The following CLASP1 variants were observed in gnomAD, a reference collection of about 807,000 sequenced individuals.
CLASP1 encodes cytoplasmic linker associated protein 1.
Under a neutral mutation model 192.3 loss-of-function variants are expected in CLASP1, and 38 were observed. That is an observed-to-expected ratio of 0.20 (90% CI 0.15 to 0.26). The LOEUF is 0.26. CLASP1 is among the 10% of genes least tolerant of loss of function. The pLI is 1.00. For missense variants in CLASP1, 1,433 were observed against 1,932.5 expected, an observed-to-expected ratio of 0.74 and a Z score of 4.85; for synonymous variants, 691 against 712.8, an observed-to-expected ratio of 0.97 and a Z score of 0.49.
chr2:121,425,286 G>A, exon 22 of CLASP1: 1 of 1,611,622 alleles, frequency 6.2e-7, no homozygotes, highest in Non-Finnish European at 8.5e-7. Flanking sequence ...AATTTTCCTG[G>A]GGAACTTGAC....
intron 19 of CLASP1, among the ~76,000 whole-genome samples, chr2:121,432,821 G>A (rs1344741908): frequency 6.6e-6 from 1 of 151,810 alleles, no homozygotes; most frequent in South Asian, 2.1e-4. Flanking sequence ...ATACAGATTT[G>A]GGGTTATCTA....
intron 1 of CLASP1, among the ~76,000 whole-genome samples, chr2:121,629,008 A>C (rs2068935868): frequency 1.3e-5 from 2 of 151,852 alleles, no homozygotes; most frequent in Non-Finnish European, 2.9e-5. Context: ...TAATGAAATA[A>C]TCCTAAATGT....
rs752379924 is a variant in CLASP1 at position 121,462,609 on chromosome 2, TA to T, written c.866-5del. The T allele has an allele frequency of 2.5e-5, 39 of 1,584,988 alleles. No individual in the cohort carries two copies. The highest frequency in any genetic ancestry group is 3.3e-5 in the Non-Finnish European group (38 of 1,158,228). On this transcript the variant is annotated splice_polypyrimidine_tract_variant and splice_region_variant and intron_variant, in intron 9 of 39. Transcript: ENST00000263710. Reference sequence around the variant, plus strand: ...GCACCAGCTCCTTCTTTTGCAGCTGTAAAAAAGAATTTTAAAAATGTAAACA... The same window carrying T: ...GCACCAGCTCCTTCTTTTGCAGCTGTAAAAAGAATTTTAAAAATGTAAACA...
At chr2:121,604,695 ATAAATTTTATATCC>A (rs2064204710) in intron 2 of CLASP1, among the ~76,000 whole-genome samples, 1 of 152,232 alleles carries the variant, frequency 6.6e-6, no homozygotes, top group South Asian at 2.1e-4. Flanking sequence ...GACAGGTAGG[ATAAATTTTATATCC>A]AGTGATAAGT....
intron 22 of CLASP1, among the ~76,000 whole-genome samples, chr2:121,422,209 A>G (rs1250298997): frequency 1.3e-5 from 2 of 152,230 alleles, no homozygotes; most frequent in African/African-American, 4.8e-5. Context: ...GGACTCATAA[A>G]AGCAGAATAT....
chr2:121,457,322 T>G (rs1196824407), intron 14 of CLASP1, among the ~76,000 whole-genome samples: 1 of 152,158 alleles, frequency 6.6e-6, no homozygotes, highest in Non-Finnish European at 1.5e-5. Flanking sequence ...TGCATGCAGT[T>G]ACTGCCTTTA....
intron 1 of CLASP1, among the ~76,000 whole-genome samples, chr2:121,611,419 G>C (rs1176196284): frequency 7.0e-6 from 1 of 143,306 alleles, no homozygotes; most frequent in Admixed American, 6.9e-5. Flanking sequence ...GGAGTTACAG[G>C]AGAAAGAGGA....
chr2:121,504,425 T>A (rs2093874078), intron 7 of CLASP1, among the ~76,000 whole-genome samples: 1 of 152,186 alleles, frequency 6.6e-6, no homozygotes, highest in South Asian at 2.1e-4. Flanking sequence ...TGGAAGCTCC[T>A]TAGGGGTAGA....
intron 1 of CLASP1, among the ~76,000 whole-genome samples, chr2:121,638,386 T>C (rs1022127206): frequency 6.6e-5 from 10 of 151,870 alleles, no homozygotes; most frequent in African/African-American, 2.4e-4. Context: ...GAATGTAAAA[T>C]GGTACAGCCA....
intron 1 of CLASP1, among the ~76,000 whole-genome samples, chr2:121,612,330 G>A (rs944435611): frequency 6.6e-6 from 1 of 151,388 alleles, no homozygotes; most frequent in Non-Finnish European, 1.5e-5. Context: ...AGGAGTTACA[G>A]GAGGAAGAGC....
In CLASP1 at chr2:121,530,229, A is replaced by T; in HGVS notation, c.274+18T>A. 6.5e-7 allele frequency: 1 copy of T among 1,545,084 alleles called. No individual in the cohort carries two copies. The highest frequency in any genetic ancestry group is 1.4e-5 in the African/African-American group (1 of 72,956). On this transcript the variant is annotated intron_variant, in intron 3 of 39. Transcript: ENST00000263710. ...GGTCTGAAGGGGCCGGGTCCGCTCC[A>T]CAAGTGCCGCAGCTCACCTGTGCCG...
Position 121,554,138 on chromosome 2 carries a change from C to A in CLASP1, c.196-23813G>T, listed in dbSNP as rs181507108. The stretch of plus-strand genomic sequence containing the variant: ...GGCTGAGGTGGGAGGACCAGTTGAG[C>A]CTGGGAGGTCAAGGCTACAGTGAGC... On this transcript the variant is annotated intron_variant, in intron 2 of 39. Coordinates refer to ENST00000263710, the Ensembl canonical transcript of CLASP1. Among the ~76,000 whole-genome samples, 619 of 152,062 alleles carry A rather than the reference C, an allele frequency of 4.1e-3. 3 individuals carry two copies. Among genetic ancestry groups the A allele is most frequent in the Non-Finnish European group, 6.8e-3 (462 of 67,996 alleles).
At chr2:121,403,694 A>G (rs2076468899) in intron 26 of CLASP1, 3 of 455,746 alleles carry the variant, frequency 6.6e-6, no homozygotes, top group Non-Finnish European at 4.4e-6. Flanking sequence ...ACTTCTGTAA[A>G]GATACCCTGT....
intron 8 of CLASP1, among the ~76,000 whole-genome samples, chr2:121,473,082 T>TA (rs993989792): frequency 5.3e-5 from 8 of 151,514 alleles, no homozygotes; most frequent in Admixed American, 6.6e-5. Flanking sequence ...AGAGAAGCCT[T>TA]AAAAAAAAAT....
At chr2:121,566,121 G>A (rs1241570367) in intron 2 of CLASP1, among the ~76,000 whole-genome samples, 2 of 152,092 alleles carry the variant, frequency 1.3e-5, no homozygotes, top group Non-Finnish European at 2.9e-5. Flanking sequence ...ATTCTAATGA[G>A]ACCAGCCTAT....
chr2:121,425,220 T>C (rs1414393696), exon 22 of CLASP1: 1 of 1,613,788 alleles, frequency 6.2e-7, no homozygotes, highest in Non-Finnish European at 8.5e-7. Context: ...GAAGACGGTG[T>C]CACAGGTGGG....
chr2:121,530,728 T>TC (rs2094764387), intron 2 of CLASP1: 4 of 514,634 alleles, frequency 7.8e-6, no homozygotes, highest in Non-Finnish European at 1.4e-5. Flanking sequence ...TTCGGGAGCC[T>TC]CAGAAAACAA....
exon 9 of CLASP1, chr2:121,469,834 G>A: frequency 6.2e-7 from 1 of 1,613,432 alleles, no homozygotes; most frequent in East Asian, 2.2e-5. Context: ...AAGGGTGGAT[G>A]AACCAAGCCG....
intron 7 of CLASP1, among the ~76,000 whole-genome samples, chr2:121,504,396 C>T (rs2093873478): frequency 6.6e-6 from 1 of 152,124 alleles, no homozygotes; most frequent in Admixed American, 6.5e-5. Flanking sequence ...AATATGTTTG[C>T]CTTTTCTTCT....
Sources: allele counts gnomAD v4.1 joint callset (sites outside exome capture counted in the v4.1 genomes callset), GRCh38; gene constraint gnomAD v4.1.1; transcripts MANE v1.5; gene names NCBI Gene and HGNC (gene_info 2026-07-23, HGNC 2026-07-21).